PPP2R2C: variants seen among roughly 807,000 people sequenced by gnomAD.
PPP2R2C encodes protein phosphatase 2 regulatory subunit Bgamma.
A neutral mutation model predicts 45.3 loss-of-function variants in PPP2R2C; 10 were observed. That is an observed-to-expected ratio of 0.22 (90% CI 0.14 to 0.37). The LOEUF (loss-of-function observed/expected upper bound fraction) is 0.37. PPP2R2C is among the 10% of genes least tolerant of loss of function. The pLI, the probability that PPP2R2C is intolerant of heterozygous loss-of-function variation, is 1.00. For synonymous variants in PPP2R2C, 257 were observed against 245.4 expected, an observed-to-expected ratio of 1.05 and a Z score of -0.44; for missense variants, 308 against 619.7, an observed-to-expected ratio of 0.50 and a Z score of 5.34.
At chr4:6,434,183 C>T (rs976671578) in intron 1 of PPP2R2C, among the ~76,000 whole-genome samples, 3 of 152,142 alleles carry the variant, frequency 2.0e-5, no homozygotes, top group Non-Finnish European at 4.4e-5. Flanking sequence ...TACATCAGCG[C>T]ACCCTGAGCT....
At chr4:6,550,340 A>G (rs980160095) in intron 1 of PPP2R2C, among the ~76,000 whole-genome samples, 2 of 151,462 alleles carry the variant, frequency 1.3e-5, no homozygotes, top group African/African-American at 4.9e-5. Flanking sequence ...AGGCCAGCAC[A>G]TGAGACCCTT....
At chr4:6,525,902 C>G (rs1013214235) in intron 2 of PPP2R2C, among the ~76,000 whole-genome samples, 2 of 152,070 alleles carry the variant, frequency 1.3e-5, no homozygotes, top group African/African-American at 4.8e-5. Context: ...CAGCGTTTCA[C>G]CATGTTGGCC....
intron 5 of PPP2R2C, among the ~76,000 whole-genome samples, chr4:6,365,797 G>T (rs747516049): frequency 6.6e-6 from 1 of 152,200 alleles, no homozygotes; most frequent in South Asian, 2.1e-4. Flanking sequence ...CCGAGGCTTG[G>T]TGTGATGCCA....
chr4:6,384,269 G>T, intron 1 of PPP2R2C: 2 of 985,366 alleles, frequency 2.0e-6, no homozygotes, highest in Non-Finnish European at 2.4e-6. Context: ...GTGAAGGAAC[G>T]GGATATAAAA....
In PPP2R2C at chr4:6,323,463, C is replaced by A. The variant is rs375066274; in HGVS notation, c.1183G>T (p.Val395Leu). Residue 395 changes from valine to leucine, a missense_variant, in exon 9 of 9, where the codon GTG becomes TTG. Physicochemically the swap from Val to Leu is conservative, Grantham distance 32 (BLOSUM62 1). Transcript: ENST00000382599. ...RAVLKPRRVCVGGKRRRDDIS... is the reference protein window; with the variant it reads ...RAVLKPRRVCLGGKRRRDDIS... ...TCATCACGCCGGCGCTTGCCCCCCACGCACACGCGCCGTGGCTTGAGCACA... is the reference window on the plus strand; with the variant it reads ...TCATCACGCCGGCGCTTGCCCCCCAAGCACACGCGCCGTGGCTTGAGCACA... 5 of 1,612,898 alleles carry A rather than the reference C, an allele frequency of 3.1e-6. No individual in the cohort carries two copies. Among genetic ancestry groups the A allele is most frequent in the East Asian group, 2.2e-5 (1 of 44,858 alleles).
At chr4:6,346,540 C>T (rs1243641815) in intron 6 of PPP2R2C, among the ~76,000 whole-genome samples, 2 of 152,218 alleles carry the variant, frequency 1.3e-5, no homozygotes, top group Non-Finnish European at 2.9e-5. Context: ...CCCGCAGACG[C>T]CAGCTCCCGA....
intron 5 of PPP2R2C, among the ~76,000 whole-genome samples, chr4:6,361,298 C>T (rs1239565904): frequency 6.6e-6 from 1 of 152,238 alleles, no homozygotes; most frequent in Non-Finnish European, 1.5e-5. Flanking sequence ...TCCATCTTCA[C>T]AGCTCTGCCA....
intron 1 of PPP2R2C, among the ~76,000 whole-genome samples, chr4:6,560,255 T>C (rs1413732065): frequency 6.6e-6 from 1 of 152,244 alleles, no homozygotes; most frequent in East Asian, 1.9e-4. Context: ...ACCCAGGCTC[T>C]TGGCTACCAG....
intron 1 of PPP2R2C, among the ~76,000 whole-genome samples, chr4:6,454,507 C>T (rs1051388979): frequency 6.6e-6 from 1 of 152,162 alleles, no homozygotes; most frequent in Non-Finnish European, 1.5e-5. Context: ...CGCCTTCCAA[C>T]TCTCCCCACC....
chr4:6,444,369 C>T (rs1275952195), intron 1 of PPP2R2C, among the ~76,000 whole-genome samples: 1 of 148,812 alleles, frequency 6.7e-6, no homozygotes, highest in Non-Finnish European at 1.5e-5. Context: ...TACCCATTTT[C>T]TTATTCAGTC....
rs1285116227 is a variant in PPP2R2C at position 6,321,484 on chromosome 4, C to T, written c.*1818G>A. The T allele has an allele frequency of 1.3e-5, 2 of 151,824 alleles. No individual in the cohort carries two copies. The highest frequency in any genetic ancestry group is 2.4e-5 in the African/African-American group (1 of 41,154). 9.4% of individuals were successfully genotyped at this position (151,824 alleles called of 1,614,324 possible). On this transcript the variant is annotated 3_prime_UTR_variant, in exon 9 of 9. Transcript: ENST00000382599. ...TATATAAACAAACATTCTTCATTCA[C>T]GTTGATTAAAAAAAAATCAATGATC...
chr4:6,500,463 A>C (rs1723014743), intron 2 of PPP2R2C, among the ~76,000 whole-genome samples: 2 of 152,322 alleles, frequency 1.3e-5, no homozygotes, highest in Middle Eastern at 3.4e-3. Context: ...AAGGTATTCT[A>C]GAAGGGTGAA....
At chr4:6,326,718 A>C (rs1731974031) in intron 8 of PPP2R2C, among the ~76,000 whole-genome samples, 1 of 152,182 alleles carries the variant, frequency 6.6e-6, no homozygotes, top group Middle Eastern at 3.2e-3. Context: ...CACGGTGGCG[A>C]GGGTAGAATG....
At chr4:6,534,283 A>G (rs188805119) in intron 2 of PPP2R2C, among the ~76,000 whole-genome samples, 6 of 151,428 alleles carry the variant, frequency 4.0e-5, no homozygotes, top group Admixed American at 2.0e-4. Flanking sequence ...AGACACACAC[A>G]TATCCCAACA....
chr4:6,377,009 G>A (rs1237093235), intron 3 of PPP2R2C, among the ~76,000 whole-genome samples: 1 of 152,218 alleles, frequency 6.6e-6, no homozygotes, highest in Admixed American at 6.5e-5. Context: ...CAGGAGGGAT[G>A]CCTGGCTCAG....
At chr4:6,446,136 G>A (rs1285525752) in intron 1 of PPP2R2C, among the ~76,000 whole-genome samples, 2 of 151,960 alleles carry the variant, frequency 1.3e-5, no homozygotes, top group Admixed American at 6.6e-5. Context: ...TTATGGTCAC[G>A]CTGGATATTA....
At chr4:6,553,922 C>T (rs200610443) in intron 1 of PPP2R2C, among the ~76,000 whole-genome samples, 8 of 152,272 alleles carry the variant, frequency 5.3e-5, no homozygotes, top group African/African-American at 1.9e-4. Flanking sequence ...CAAATGGCCT[C>T]GGTCCCAGTG....
intron 1 of PPP2R2C, among the ~76,000 whole-genome samples, chr4:6,399,934 C>T (rs1282284429): frequency 6.6e-6 from 1 of 152,200 alleles, no homozygotes; most frequent in Admixed American, 6.5e-5. Context: ...AGGCTGAAGT[C>T]AAGCCAGCCA....
At chr4:6,402,956 C>T (rs570292946) in intron 1 of PPP2R2C, among the ~76,000 whole-genome samples, 18 of 152,218 alleles carry the variant, frequency 1.2e-4, no homozygotes, top group Non-Finnish European at 2.4e-4. Context: ...CAAGAAAGAC[C>T]AATGCAGCAG....
Sources: allele counts gnomAD v4.1 joint callset (sites outside exome capture counted in the v4.1 genomes callset), GRCh38; gene constraint gnomAD v4.1.1; transcripts MANE v1.5; gene names NCBI Gene and HGNC (gene_info 2026-07-23, HGNC 2026-07-21).